RBM46: variants seen among roughly 807,000 people sequenced by gnomAD.
RBM46 encodes the protein probable RNA-binding protein 46.
RBM46 carries 12 observed loss-of-function variants against 43.3 expected under a neutral mutation model. That is an observed-to-expected ratio of 0.28 (90% CI 0.18 to 0.45). RBM46 has a LOEUF of 0.45. Among genes scored for constraint, RBM46 ranks in the 20% least tolerant of loss-of-function variants. The probability of loss-of-function intolerance (pLI) is 1.00; values close to 1 mark genes in which losing one functional copy is unlikely to be tolerated. For missense variants in RBM46, 412 were observed against 639.1 expected (o/e 0.64, Z 3.83); for synonymous variants, 205 against 207.6 (o/e 0.99, Z 0.11).
intron 4 of RBM46, among the ~76,000 whole-genome samples, chr4:154,802,470 G>A (rs1343862268): frequency 6.6e-6 from 1 of 152,148 alleles, no homozygotes; most frequent in Non-Finnish European, 1.5e-5. Flanking sequence ...TGGAGCCTCT[G>A]GGTTTTAAAA....
rs141473836 is a variant in RBM46 at position 154,783,353 on chromosome 4, A to G, written c.-12+1917A>G. Among the ~76,000 whole-genome samples, 180 of 152,358 alleles carry G rather than the reference A, an allele frequency of 1.2e-3. 2 individuals are homozygous for G. The East Asian group carries it at 0.026, about 22-fold the overall frequency. On this transcript the variant is annotated intron_variant, in intron 1 of 4. Transcript: ENST00000281722. ...TAACGAGAACAAACCCAGTTTATGGACTGAAATTAAGTCTCAGGTTTAATG... is the reference window on the plus strand; with the variant it reads ...TAACGAGAACAAACCCAGTTTATGGGCTGAAATTAAGTCTCAGGTTTAATG...
intron 1 of RBM46, among the ~76,000 whole-genome samples, chr4:154,785,462 C>T (rs893814298): frequency 6.7e-5 from 10 of 150,214 alleles, no homozygotes; most frequent in Middle Eastern, 3.5e-3. Flanking sequence ...TTGGATAAAA[C>T]GGGAGCATAT....
At position 154,798,854 on chromosome 4, in the gene RBM46, C is replaced by T; in HGVS notation, c.692C>T (p.Thr231Ile). 1.2e-6 allele frequency: 2 copies of T among 1,601,018 alleles called. No homozygotes were observed. Among genetic ancestry groups the T allele is most frequent in the Non-Finnish European group, 1.7e-6 (2 of 1,173,336 alleles). Residue 231 changes from threonine (T) to isoleucine (I), a missense_variant, in exon 4 of 5, where the codon ACC becomes ATC. Thr to Ile is a moderately conservative substitution (Grantham distance 89). Coordinates refer to ENST00000281722, the MANE Select transcript of RBM46 (RefSeq NM_144979.5). Reference sequence around the variant, plus strand: ...CCAGAGAAAGAGGTGGATGAGGAAACCATGCAGAGAGTTAAAGTTCTTTAT... The same window carrying T: ...CCAGAGAAAGAGGTGGATGAGGAAATCATGCAGAGAGTTAAAGTTCTTTAT... ...ADPEKEVDEETMQRVKVLYVR... is the reference protein window; with the variant it reads ...ADPEKEVDEEIMQRVKVLYVR...
At chr4:154,795,904 C>T (rs956113078) in intron 1 of RBM46, among the ~76,000 whole-genome samples, 5 of 152,030 alleles carry the variant, frequency 3.3e-5, no homozygotes, top group Admixed American at 1.3e-4. Context: ...ACATCTATAA[C>T]CCCAGCACTT....
intron 4 of RBM46, among the ~76,000 whole-genome samples, chr4:154,799,845 T>G (rs528550056): frequency 8.4e-4 from 127 of 151,238 alleles, no homozygotes; most frequent in African/African-American, 2.8e-3. Flanking sequence ...TTGCAACCTG[T>G]GCCTCCTAGG....
rs767753022 is a variant in RBM46 at position 154,798,840 on chromosome 4, G to A, written c.678G>A (p.Glu226=). 33 of 1,594,174 alleles carry A rather than the reference G, an allele frequency of 2.1e-5. No homozygotes were observed. Among genetic ancestry groups the A allele is most frequent in the Non-Finnish European group, 2.7e-5 (32 of 1,170,516 alleles). Reference sequence around the variant, plus strand: ...TAGATTGGGCTGACCCAGAGAAAGAGGTGGATGAGGAAACCATGCAGAGAG... The same window carrying A: ...TAGATTGGGCTGACCCAGAGAAAGAAGTGGATGAGGAAACCATGCAGAGAG... ...IQVDWADPEK[E]VDEETMQRVK... The change falls in exon 4 of 5, where the codon GAG becomes GAA. Residue 226 remains glutamate, a synonymous_variant. Coordinates refer to ENST00000281722, the MANE Select transcript of RBM46 (RefSeq NM_144979.5).
chr4:154,814,150 T>A lies in RBM46; in HGVS notation c.1403-13718T>A, dbSNP rs571171146. ...TTGGCCCTTATTCCTGCATAACTTA[T>A]AGAAAACTAAATATAAAACATTTAA... On this transcript the variant is annotated intron_variant, in intron 4 of 4. Coordinates refer to ENST00000281722, the MANE Select transcript of RBM46 (RefSeq NM_144979.5). Among the ~76,000 whole-genome samples, 4 of 152,116 alleles carry A rather than the reference T, an allele frequency of 2.6e-5. No homozygotes were observed. In the East Asian group the frequency reaches 5.8e-4, roughly 22 times the overall value.
rs923531270 is a variant in RBM46 at position 154,788,751 on chromosome 4, T to C, written c.-12+7315T>C. On this transcript the variant is annotated intron_variant, in intron 1 of 4. Coordinates refer to ENST00000281722, the MANE Select transcript of RBM46 (RefSeq NM_144979.5). The stretch of plus-strand genomic sequence containing the variant: ...CATTGGTAGCTTGATGGGGATGGCA[T>C]TGAATGTCTAAATTACCTTTGGCAG... 7.2e-5 allele frequency among the ~76,000 whole-genome samples: 11 copies of C among 152,210 alleles called. No homozygotes were observed. In the South Asian group the frequency reaches 1.4e-3, roughly 20 times the overall value.
intron 1 of RBM46, chr4:154,787,414 A>G (rs1481756420): frequency 1.4e-5 from 2 of 140,328 alleles, no homozygotes; most frequent in African/African-American, 2.7e-5. Context: ...GTTCCCACCT[A>G]TGAGTGAGAA....
intron 4 of RBM46, among the ~76,000 whole-genome samples, chr4:154,821,183 C>CGTATA (rs1735705771): frequency 6.6e-6 from 1 of 151,684 alleles, no homozygotes; most frequent in Non-Finnish European, 1.5e-5. Context: ...GCTTGTTATA[C>CGTATA]TTGAGACTTA....
intron 4 of RBM46, among the ~76,000 whole-genome samples, chr4:154,809,350 T>G (rs1472810101): frequency 6.6e-6 from 1 of 152,066 alleles, no homozygotes; most frequent in Non-Finnish European, 1.5e-5. Flanking sequence ...TGAATTGATA[T>G]ATTGGAGAAT....
Position 154,798,114 on chromosome 4 carries a change from A to G in RBM46, c.455A>G (p.Lys152Arg). The G allele has an allele frequency of 6.2e-7, 1 of 1,613,940 alleles. No homozygotes were observed. The change falls in exon 3 of 5, where the codon AAG becomes AGG. Residue 152 changes from lysine to arginine, a missense_variant. Physicochemically the swap from Lys to Arg is conservative, Grantham distance 26. Transcript: ENST00000281722. ...RLFIGAIPKE[K>R]KKEEILDEMK... ...TTTATTGGAGCTATTCCCAAGGAAA[A>G]GAAGAAAGAAGAAATTTTAGATGAA... is the stretch of plus-strand genomic sequence containing the variant.
intron 4 of RBM46, among the ~76,000 whole-genome samples, chr4:154,824,155 G>A (rs1735845585): frequency 6.6e-6 from 1 of 151,620 alleles, no homozygotes; most frequent in Middle Eastern, 3.2e-3. Flanking sequence ...TATAAAACAA[G>A]GGAATGCAGA....
At chr4:154,791,005 T>C (rs1734062091) in intron 1 of RBM46, among the ~76,000 whole-genome samples, 1 of 152,186 alleles carries the variant, frequency 6.6e-6, no homozygotes, top group Admixed American at 6.6e-5. Context: ...TGCTGGAGTT[T>C]TCAATTTTGG....
chr4:154,813,330 T>G (rs1340513681), intron 4 of RBM46, among the ~76,000 whole-genome samples: 1 of 152,148 alleles, frequency 6.6e-6, no homozygotes, highest in Non-Finnish European at 1.5e-5. Flanking sequence ...ATTTTTAACA[T>G]GCTAATGTTG....
intron 1 of RBM46, 79 bp downstream of exon 1, chr4:154,781,515 C>G (rs1270734975): frequency 6.6e-6 from 1 of 152,584 alleles, no homozygotes; most frequent in Non-Finnish European, 1.5e-5. Flanking sequence ...ACTCTCACGC[C>G]GAATACACAG....
intron 1 of RBM46, among the ~76,000 whole-genome samples, chr4:154,792,181 A>G (rs115402400): frequency 0.017 from 2,584 of 152,312 alleles, 35 homozygotes; most frequent in South Asian, 0.027. Context: ...TAATAGCACT[A>G]TTACTTTCTC....
At chr4:154,815,572 TAGG>T (rs1260126187) in intron 4 of RBM46, among the ~76,000 whole-genome samples, 15 of 152,142 alleles carry the variant, frequency 9.9e-5, no homozygotes, top group Admixed American at 6.5e-4. Flanking sequence ...TTGATCATCT[TAGG>T]AGGATTATAG....
chr4:154,808,014 T>A (rs1209677017), intron 4 of RBM46, among the ~76,000 whole-genome samples: 1 of 151,996 alleles, frequency 6.6e-6, no homozygotes, highest in Non-Finnish European at 1.5e-5. Context: ...TCAGTAAATA[T>A]AATCTTTGTA....
Sources: allele counts gnomAD v4.1 joint callset (sites outside exome capture counted in the v4.1 genomes callset), GRCh38; gene constraint gnomAD v4.1.1; transcripts MANE v1.5; gene names NCBI Gene and HGNC (gene_info 2026-07-23, HGNC 2026-07-21).